SYK: variants seen among roughly 807,000 people sequenced by gnomAD.
The protein encoded by SYK is tyrosine-protein kinase SYK.
In SYK, 16 loss-of-function variants were observed where a neutral mutation model predicts 77.8. The ratio of observed to expected loss-of-function variants is 0.21; its 90% CI spans 0.14 to 0.31. SYK has a LOEUF of 0.31. Among genes scored for constraint, SYK ranks in the 10% least tolerant of loss-of-function variants. SYK has a pLI of 1.00. For synonymous variants in SYK, 312 were observed against 308.7 expected (o/e 1.01, Z -0.11); for missense variants, 529 against 814.4 (o/e 0.65, Z 4.26).
chr9:90,884,368 TAC>T (rs1233879024), intron 11 of SYK, among the ~76,000 whole-genome samples: 2 of 143,356 alleles, frequency 1.4e-5, no homozygotes, highest in Non-Finnish European at 3.1e-5. Flanking sequence ...TATACATACA[TAC>T]ACACATACGT....
At chr9:90,852,948 G>A (rs1214156050) in intron 3 of SYK, among the ~76,000 whole-genome samples, 1 of 152,202 alleles carries the variant, frequency 6.6e-6, no homozygotes, top group African/African-American at 2.4e-5. Flanking sequence ...ATGCATGGCA[G>A]TAGGTCCCCT....
At chr9:90,846,510 T>C (rs1235439407) in intron 3 of SYK, among the ~76,000 whole-genome samples, 1 of 152,134 alleles carries the variant, frequency 6.6e-6, no homozygotes, top group African/African-American at 2.4e-5. Flanking sequence ...ACCTTGTATT[T>C]TAAAAATGAT....
chr9:90,838,044 C>T (rs1469997019), intron 1 of SYK, among the ~76,000 whole-genome samples: 2 of 152,286 alleles, frequency 1.3e-5, no homozygotes, highest in African/African-American at 2.4e-5. Flanking sequence ...TTAGGAGAGA[C>T]TGAGGGAGGA....
chr9:90,848,595 G>A (rs187282102), intron 3 of SYK, among the ~76,000 whole-genome samples: 12 of 152,202 alleles, frequency 7.9e-5, no homozygotes, highest in Non-Finnish European at 1.2e-4. Flanking sequence ...TGTTCTTCTC[G>A]GGCCTTCATT....
At chr9:90,891,576 C>CT (rs887197738) in intron 13 of SYK, among the ~76,000 whole-genome samples, 17 of 152,226 alleles carry the variant, frequency 1.1e-4, no homozygotes, top group African/African-American at 3.9e-4. Context: ...TTTCAGGCTG[C>CT]TTTTTGTTAT....
intron 1 of SYK, among the ~76,000 whole-genome samples, chr9:90,808,688 C>T (rs1001710756): frequency 2.0e-4 from 31 of 152,066 alleles, no homozygotes; most frequent in African/African-American, 6.5e-4. Context: ...TCCTGCGAGG[C>T]GTCTTCTGCT....
intron 1 of SYK, among the ~76,000 whole-genome samples, chr9:90,813,897 T>C (rs1473410068): frequency 1.3e-5 from 2 of 152,162 alleles, no homozygotes; most frequent in African/African-American, 4.8e-5. Flanking sequence ...TCCTCCACTC[T>C]CACATCCCCA....
At chr9:90,818,533 G>T (rs529508048) in intron 1 of SYK, among the ~76,000 whole-genome samples, 1 of 152,162 alleles carries the variant, frequency 6.6e-6, no homozygotes, top group Non-Finnish European at 1.5e-5. Context: ...ACTTGTTTAC[G>T]GTCAGATCGT....
chr9:90,864,910 G>T, intron 5 of SYK, 138 bp from the exon 6 acceptor site: 1 of 883,560 alleles, frequency 1.1e-6, no homozygotes, highest in African/African-American at 1.7e-5. Flanking sequence ...AAAGAGGGTC[G>T]AAAGAAGTAC....
chr9:90,889,670 C>A (rs545416515), intron 13 of SYK, among the ~76,000 whole-genome samples: 6 of 152,364 alleles, frequency 3.9e-5, no homozygotes, highest in African/African-American at 1.4e-4. Flanking sequence ...TGCTTCCCTG[C>A]CCCTGCTGCT....
At chr9:90,879,088 T>G (rs1828052380) in intron 11 of SYK, 135 bp downstream of exon 11, 1 of 595,594 alleles carries the variant, frequency 1.7e-6, no homozygotes. Flanking sequence ...GTAAGATATG[T>G]TCTTATAATC....
intron 13 of SYK, among the ~76,000 whole-genome samples, chr9:90,891,598 T>C (rs1274599116): frequency 6.6e-6 from 1 of 152,140 alleles, no homozygotes; most frequent in East Asian, 1.9e-4. Context: ...AAAGACATGA[T>C]TTAGGAGCTG....
chr9:90,884,981 C>A (rs1189522817), intron 11 of SYK, among the ~76,000 whole-genome samples: 4 of 121,494 alleles, frequency 3.3e-5, no homozygotes, highest in South Asian at 2.8e-4. Flanking sequence ...ATATATATAC[C>A]CAACATATAT....
chr9:90,820,353 G>T (rs1408605788), intron 1 of SYK, among the ~76,000 whole-genome samples: 1 of 152,218 alleles, frequency 6.6e-6, no homozygotes. Context: ...CCTAGCAGAG[G>T]TTATCCATGA....
rs767578077 is a variant in SYK, at chr9:90,894,572, A to G, written c.1836-956A>G. 4.9e-4 allele frequency among the ~76,000 whole-genome samples: 74 copies of G among 152,216 alleles called. 1 individual carries two copies. Among genetic ancestry groups the G allele is most frequent in the Admixed American group, 2.0e-4 (3 of 15,290 alleles). On this transcript the variant is annotated intron_variant, in intron 13 of 13. Transcript: ENST00000375754. Reference sequence around the variant, plus strand: ...GGCTGTTCTCTTGTGTCGACATTGAATCATATGAAATTGCCATTGATATAG... The same window carrying G: ...GGCTGTTCTCTTGTGTCGACATTGAGTCATATGAAATTGCCATTGATATAG...
intron 1 of SYK, among the ~76,000 whole-genome samples, chr9:90,842,572 G>T (rs939086601): frequency 1.7e-4 from 25 of 150,918 alleles, no homozygotes; most frequent in Non-Finnish European, 3.3e-4. Flanking sequence ...TGTGTGTGTA[G>T]CATGTATGTA....
At chr9:90,873,381 T>C (rs1267921782) in intron 7 of SYK, among the ~76,000 whole-genome samples, 1 of 150,888 alleles carries the variant, frequency 6.6e-6, no homozygotes, top group African/African-American at 2.4e-5. Flanking sequence ...GGTTCTCCTG[T>C]GAATTAAATT....
chr9:90,824,464 A>C (rs1825608248), intron 1 of SYK, among the ~76,000 whole-genome samples: 1 of 152,120 alleles, frequency 6.6e-6, no homozygotes, highest in South Asian at 2.1e-4. Context: ...ATATACAAAA[A>C]CCCTCAACAA....
intron 11 of SYK, among the ~76,000 whole-genome samples, chr9:90,885,615 A>G (rs866518083): frequency 7.2e-5 from 11 of 152,368 alleles, no homozygotes; most frequent in Middle Eastern, 6.8e-3. Context: ...ATCCTATTTA[A>G]TGAAATATTA....
Sources: gnomAD v4.1 joint callset for allele counts (sites outside exome capture counted in the v4.1 genomes callset) on GRCh38, gnomAD v4.1.1 for gene constraint, MANE v1.5 for transcripts, NCBI Gene and HGNC (gene_info 2026-07-23, HGNC 2026-07-21) for gene names.